Variants in PDGFC observed in about 807,000 individuals in gnomAD.
PDGFC encodes platelet-derived growth factor C.
A neutral mutation model predicts 35.5 loss-of-function variants in PDGFC; 12 were observed. That is an observed-to-expected ratio of 0.34 (90% CI 0.22 to 0.55). The LOEUF (loss-of-function observed/expected upper bound fraction) is 0.55. PDGFC is among the 20% of genes least tolerant of loss of function. The probability of loss-of-function intolerance (pLI) is 0.91; values close to 1 mark genes in which losing one functional copy is unlikely to be tolerated. For missense variants in PDGFC, 322 were observed against 412.4 expected (o/e 0.78, Z 1.90); for synonymous variants, 159 against 148.8 (o/e 1.07, Z -0.50).
At chr4:156,960,256 A>ATATATATATATATATATATATATG (rs1181232846) in intron 1 of PDGFC, among the ~76,000 whole-genome samples, 1 of 147,020 alleles carries the variant, frequency 6.8e-6, no homozygotes, top group African/African-American at 2.5e-5. Context: ...TAACTGTTAT[A>ATATATATATATATATATATATATG]TATATATATA....
intron 1 of PDGFC, among the ~76,000 whole-genome samples, chr4:156,951,112 C>A (rs570450368): frequency 1.3e-5 from 2 of 152,002 alleles, no homozygotes; most frequent in Admixed American, 1.3e-4. Flanking sequence ...AGAGTACCTA[C>A]TGCCTGCCAG....
intron 1 of PDGFC, among the ~76,000 whole-genome samples, chr4:156,868,663 C>G (rs1729904647): frequency 6.6e-6 from 1 of 152,156 alleles, no homozygotes; most frequent in East Asian, 1.9e-4. Context: ...ACTGTTATAA[C>G]AGTTTTCTAT....
intron 1 of PDGFC, among the ~76,000 whole-genome samples, chr4:156,919,061 G>A (rs1731214401): frequency 1.3e-5 from 2 of 152,098 alleles, no homozygotes; most frequent in South Asian, 4.1e-4. Flanking sequence ...TGTTAACAAT[G>A]TTTTGTTTAC....
At chr4:156,955,891 C>T (rs1732197460) in intron 1 of PDGFC, among the ~76,000 whole-genome samples, 2 of 151,926 alleles carry the variant, frequency 1.3e-5, no homozygotes, top group South Asian at 2.1e-4. Context: ...CTCACAAGTC[C>T]GCACCATCTG....
At chr4:156,881,033 A>G (rs1032195974) in intron 1 of PDGFC, among the ~76,000 whole-genome samples, 3 of 152,202 alleles carry the variant, frequency 2.0e-5, no homozygotes, top group Non-Finnish European at 4.4e-5. Flanking sequence ...AAGTTTTACT[A>G]TAGGTGAAAT....
chr4:156,815,013 T>C (rs1397565686), intron 2 of PDGFC, among the ~76,000 whole-genome samples: 2 of 152,164 alleles, frequency 1.3e-5, no homozygotes, highest in African/African-American at 2.4e-5. Flanking sequence ...AATTCTTACA[T>C]GCTCATGCAA....
At chr4:156,930,633 C>T (rs1033345440) in intron 1 of PDGFC, among the ~76,000 whole-genome samples, 3 of 152,020 alleles carry the variant, frequency 2.0e-5, no homozygotes, top group African/African-American at 2.4e-5. Flanking sequence ...TTTGGGAGGC[C>T]GAGGTGGGCA....
At position 156,843,559 on chromosome 4, in the gene PDGFC, C is replaced by T. The variant is rs1007823985; in HGVS notation, c.314+6662G>A. The stretch of plus-strand genomic sequence containing the variant: ...GGAACCATAGCATCTTCCACAACAC[C>T]GGGCAACTGTTCTTAGCTGACTTTA... On this transcript the variant is annotated intron_variant, in intron 2 of 5. Coordinates refer to ENST00000502773, the MANE Select transcript of PDGFC (RefSeq NM_016205.3). 4.6e-5 allele frequency among the ~76,000 whole-genome samples: 7 copies of T among 152,266 alleles called. No homozygotes were observed. In the East Asian group the frequency reaches 5.8e-4, roughly 13 times the overall value.
chr4:156,792,672 T>G (rs1204749681), intron 3 of PDGFC, among the ~76,000 whole-genome samples: 1 of 152,166 alleles, frequency 6.6e-6, no homozygotes, highest in African/African-American at 2.4e-5. Context: ...CCACGTAGTG[T>G]GCATAGTTCA....
At chr4:156,901,334 G>GA (rs1271213995) in intron 1 of PDGFC, among the ~76,000 whole-genome samples, 11 of 152,110 alleles carry the variant, frequency 7.2e-5, no homozygotes, top group South Asian at 2.1e-4. Context: ...GTAAACGTCA[G>GA]ATTGGCTTTT....
At chr4:156,864,859 A>G (rs547984189) in intron 1 of PDGFC, among the ~76,000 whole-genome samples, 3 of 152,248 alleles carry the variant, frequency 2.0e-5, no homozygotes, top group East Asian at 3.9e-4. Context: ...TTCCTCAAGT[A>G]TGTTAAACTT....
chr4:156,851,252 T>C (rs1277537289), intron 1 of PDGFC, among the ~76,000 whole-genome samples: 3 of 152,188 alleles, frequency 2.0e-5, no homozygotes, highest in Admixed American at 6.5e-5. Flanking sequence ...CAATTTCTTG[T>C]TATAAGGGAT....
intron 2 of PDGFC, among the ~76,000 whole-genome samples, chr4:156,819,636 T>C (rs1417092103): frequency 6.6e-6 from 1 of 152,232 alleles, no homozygotes; most frequent in Non-Finnish European, 1.5e-5. Context: ...CCAAGAGCTC[T>C]GATGAAGATG....
chr4:156,969,068 G>C (rs1437984955), intron 1 of PDGFC, among the ~76,000 whole-genome samples: 1 of 152,188 alleles, frequency 6.6e-6, no homozygotes, highest in South Asian at 2.1e-4. Flanking sequence ...AAAGAGATTC[G>C]GGCAGATGCC....
chr4:156,793,949 T>A (rs1731370486), intron 3 of PDGFC, among the ~76,000 whole-genome samples: 1 of 152,028 alleles, frequency 6.6e-6, no homozygotes, highest in African/African-American at 2.4e-5. Context: ...CAGTAAAGGA[T>A]CTTGGTTAAG....
intron 2 of PDGFC, among the ~76,000 whole-genome samples, chr4:156,833,947 G>A (rs531810607): frequency 6.6e-6 from 1 of 152,190 alleles, no homozygotes; most frequent in African/African-American, 2.4e-5. Context: ...TATTTGCTTG[G>A]GTTCTCTACC....
At chr4:156,904,003 G>C (rs1452977240) in intron 1 of PDGFC, among the ~76,000 whole-genome samples, 2 of 152,024 alleles carry the variant, frequency 1.3e-5, no homozygotes, top group African/African-American at 4.8e-5. Flanking sequence ...CCAAAACCAG[G>C]TTCCCTGTAA....
intron 1 of PDGFC, among the ~76,000 whole-genome samples, chr4:156,962,286 CT>C (rs1413538039): frequency 1.3e-5 from 2 of 152,238 alleles, no homozygotes; most frequent in East Asian, 1.9e-4. Flanking sequence ...TTTCTTCAGG[CT>C]GTTCCCTCAG....
chr4:156,797,225 G>A (rs545164651), intron 3 of PDGFC, among the ~76,000 whole-genome samples: 1 of 145,902 alleles, frequency 6.9e-6, no homozygotes, highest in Admixed American at 7.0e-5. Context: ...GCGACAGAGC[G>A]ACAATCAGTC....
Sources: allele counts gnomAD v4.1 joint callset (sites outside exome capture counted in the v4.1 genomes callset), GRCh38; gene constraint gnomAD v4.1.1; transcripts MANE v1.5; gene names NCBI Gene and HGNC (gene_info 2026-07-23, HGNC 2026-07-21).